CDH13: variants seen among roughly 807,000 people sequenced by gnomAD.
CDH13 encodes cadherin 13.
In CDH13, 24 loss-of-function variants were observed where a neutral mutation model predicts 63.8. The observed-to-expected ratio is 0.38, with a 90% CI of 0.27 to 0.53. The LOEUF (loss-of-function observed/expected upper bound fraction) is 0.53, where lower values mean the gene tolerates loss of function less well. Ranked by LOEUF, CDH13 falls within the 20% of genes least tolerant of loss-of-function variation. The pLI is 0.85. For synonymous variants in CDH13, 503 were observed against 355.3 expected (o/e 1.42, Z -4.67); for missense variants, 1,049 against 903.1 (o/e 1.16, Z -2.07).
chr16:82,647,004 C>T (rs764430124), intron 1 of CDH13, among the ~76,000 whole-genome samples: 4 of 152,260 alleles, frequency 2.6e-5, no homozygotes, highest in South Asian at 2.1e-4. Context: ...AGCCAAAGGA[C>T]TTTACTATTG....
At chr16:82,695,390 A>G (rs1302763130) in intron 1 of CDH13, among the ~76,000 whole-genome samples, 1 of 152,204 alleles carries the variant, frequency 6.6e-6, no homozygotes, top group East Asian at 1.9e-4. Flanking sequence ...GGTTTAATAA[A>G]TTCTTTTTAA....
intron 4 of CDH13, among the ~76,000 whole-genome samples, chr16:83,149,948 C>T (rs780974747): frequency 5.3e-5 from 8 of 152,204 alleles, no homozygotes; most frequent in Non-Finnish European, 1.2e-4. Flanking sequence ...CCACTGATTA[C>T]AAGCAGCGAT....
intron 1 of CDH13, among the ~76,000 whole-genome samples, chr16:82,743,517 C>T (rs1347381396): frequency 1.3e-5 from 2 of 152,204 alleles, no homozygotes; most frequent in African/African-American, 4.8e-5. Flanking sequence ...CTGCACCCAT[C>T]TACTAATACA....
intron 8 of CDH13, among the ~76,000 whole-genome samples, chr16:83,669,288 C>A (rs980605022): frequency 6.6e-6 from 1 of 152,076 alleles, no homozygotes; most frequent in Non-Finnish European, 1.5e-5. Context: ...TGCGCTTTAA[C>A]CCTGGGGAAT....
intron 1 of CDH13, among the ~76,000 whole-genome samples, chr16:82,841,358 G>C (rs1019932249): frequency 6.6e-6 from 1 of 152,180 alleles, no homozygotes; most frequent in Admixed American, 6.5e-5. Context: ...TATCATGGGA[G>C]ATACTAGTGT....
At chr16:83,532,614 A>C (rs572151827) in intron 7 of CDH13, among the ~76,000 whole-genome samples, 2 of 152,368 alleles carry the variant, frequency 1.3e-5, no homozygotes, top group South Asian at 4.1e-4. Flanking sequence ...TGTCTCCTCA[A>C]GTAGCCTATC....
chr16:83,611,052 G>A (rs1164772372), intron 8 of CDH13, among the ~76,000 whole-genome samples: 11 of 152,150 alleles, frequency 7.2e-5, no homozygotes, highest in Non-Finnish European at 1.6e-4. Flanking sequence ...GGTGGCTGAT[G>A]AAGTTGACCA....
chr16:82,734,382 AG>A (rs2033561130), intron 1 of CDH13, among the ~76,000 whole-genome samples: 1 of 152,248 alleles, frequency 6.6e-6, no homozygotes, highest in South Asian at 2.1e-4. Context: ...GAGAGGGGAC[AG>A]GCAGCACATA....
intron 8 of CDH13, among the ~76,000 whole-genome samples, chr16:83,635,246 A>G (rs1266532407): frequency 6.6e-6 from 1 of 151,590 alleles, no homozygotes; most frequent in African/African-American, 2.4e-5. Flanking sequence ...CTTTGGTGAA[A>G]TGTCTAACTA....
intron 7 of CDH13, among the ~76,000 whole-genome samples, chr16:83,544,888 A>G (rs966042749): frequency 1.3e-5 from 2 of 152,230 alleles, no homozygotes; most frequent in Admixed American, 6.5e-5. Flanking sequence ...TATAAGCTCA[A>G]TAAATGTTAG....
intron 2 of CDH13, among the ~76,000 whole-genome samples, chr16:82,960,530 G>A (rs567207689): frequency 5.9e-5 from 9 of 152,314 alleles, no homozygotes; most frequent in African/African-American, 9.6e-5. Flanking sequence ...AAATATGCCC[G>A]ATGCAAAGCG....
At chr16:83,615,496 T>C (rs911538426) in intron 8 of CDH13, among the ~76,000 whole-genome samples, 1 of 152,280 alleles carries the variant, frequency 6.6e-6, no homozygotes, top group African/African-American at 2.4e-5. Flanking sequence ...ATAGCTATTA[T>C]AGTGATATAT....
chr16:82,853,682 T>C (rs1597805203), intron 1 of CDH13, among the ~76,000 whole-genome samples: 1 of 152,338 alleles, frequency 6.6e-6, no homozygotes, highest in East Asian at 1.9e-4. Context: ...TTTTAGATAA[T>C]AGAAATCTTT....
At chr16:83,685,037 G>T (rs909873492) in intron 10 of CDH13, among the ~76,000 whole-genome samples, 19 of 152,188 alleles carry the variant, frequency 1.2e-4, no homozygotes, top group Non-Finnish European at 5.9e-5. Flanking sequence ...GGTTGCTAGT[G>T]CTCCAACCTT....
At position 83,550,874 on chromosome 16, in the gene CDH13, C is replaced by T. The variant is rs566883125; in HGVS notation, c.961-51580C>T. Among the ~76,000 whole-genome samples the T allele has an allele frequency of 3.3e-5, 5 of 152,232 alleles. No individual in the cohort carries two copies. In the East Asian group the frequency reaches 9.7e-4, roughly 29 times the overall value. On this transcript the variant is annotated intron_variant, in intron 7 of 13. Coordinates refer to ENST00000567109, the MANE Select transcript of CDH13 (RefSeq NM_001257.5). Reference sequence around the variant, plus strand: ...AAGCCTAACCTCTCAGGTTAGAAATCTAAGTTGCCTTGCATTCCTCCCTCT... The same window carrying T: ...AAGCCTAACCTCTCAGGTTAGAAATTTAAGTTGCCTTGCATTCCTCCCTCT...
At chr16:83,159,198 A>G (rs1192700618) in intron 4 of CDH13, among the ~76,000 whole-genome samples, 3 of 150,336 alleles carry the variant, frequency 2.0e-5, no homozygotes, top group South Asian at 2.1e-4. Context: ...GGGGGAAACA[A>G]AAAAAAAGAC....
At chr16:83,153,607 G>A (rs963798677) in intron 4 of CDH13, among the ~76,000 whole-genome samples, 5 of 152,204 alleles carry the variant, frequency 3.3e-5, no homozygotes, top group Admixed American at 6.5e-5. Flanking sequence ...TTGGAGGTTC[G>A]AGGCAAGATG....
chr16:82,880,275 G>T (rs936841816), intron 2 of CDH13, among the ~76,000 whole-genome samples: 5 of 151,916 alleles, frequency 3.3e-5, no homozygotes, highest in African/African-American at 1.2e-4. Context: ...CCTGTAAACC[G>T]GCTTTCAGCA....
intron 1 of CDH13, among the ~76,000 whole-genome samples, chr16:82,787,528 C>T (rs1326995313): frequency 1.3e-5 from 2 of 152,114 alleles, no homozygotes; most frequent in Non-Finnish European, 2.9e-5. Context: ...ATCAGAAATC[C>T]ATGAAAAATA....
Sources: allele counts gnomAD v4.1 joint callset (sites outside exome capture counted in the v4.1 genomes callset), GRCh38; gene constraint gnomAD v4.1.1; transcripts MANE v1.5; gene names NCBI Gene and HGNC (gene_info 2026-07-23, HGNC 2026-07-21).